Variants in MROH1 observed in about 807,000 individuals in gnomAD.
MROH1 encodes maestro heat-like repeat-containing protein family member 1.
Under a neutral mutation model 116.5 loss-of-function variants are expected in MROH1, and 117 were observed. The ratio of observed to expected loss-of-function variants is 1.00; its 90% CI spans 0.86 to 1.17. MROH1 has a LOEUF of 1.17. Among genes scored for constraint, MROH1 ranks in the 50% most tolerant of loss-of-function variants. The pLI is 0.00. For synonymous variants in MROH1, 921 were observed against 583.9 expected (o/e 1.58, Z -8.32); for missense variants, 1,873 against 1,338.5 (o/e 1.40, Z -6.23).
chr8:144,223,064 GTC>G lies in MROH1; in HGVS notation c.1216-40_1216-39del, dbSNP rs1418391858. The G allele has an allele frequency of 3.7e-6, 6 of 1,610,078 alleles. No homozygotes were observed. In the Admixed American group the frequency reaches 6.7e-5, roughly 18 times the overall value. ...CTCTGCTGGCTGGACTGGCATGGCA[GTC>G]TCTGCGTCCCCTTCCTGATCTCCCA... is the stretch of plus-strand genomic sequence containing the variant. On this transcript the variant is annotated intron_variant, in intron 13 of 43. Coordinates refer to ENST00000326134, the MANE Select transcript of MROH1 (RefSeq NM_032450.3).
Position 144,230,262 on chromosome 8 carries a change from C to T in MROH1, c.1338+7032C>T, listed in dbSNP as rs372492363. Among the ~76,000 whole-genome samples, 5 of 152,278 alleles carry T rather than the reference C, an allele frequency of 3.3e-5. No homozygotes were observed. The East Asian group carries it at 7.7e-4, about 23-fold the overall frequency. On this transcript the variant is annotated intron_variant, in intron 14 of 43. Coordinates refer to ENST00000326134, the MANE Select transcript of MROH1 (RefSeq NM_032450.3). ...AAAAGAGTTGCTCTGGATTAGGCTT[C>T]GGCTTAAGGGAATGTTTGGCCGGTC...
intron 12 of MROH1, among the ~76,000 whole-genome samples, chr8:144,210,411 G>A (rs984155731): frequency 1.2e-4 from 18 of 152,088 alleles, no homozygotes; most frequent in South Asian, 6.2e-4. Flanking sequence ...GCATAAACAG[G>A]CCCTGTGCGG....
intron 14 of MROH1, among the ~76,000 whole-genome samples, chr8:144,232,046 T>A (rs1345467349): frequency 6.6e-6 from 1 of 152,216 alleles, no homozygotes; most frequent in Non-Finnish European, 1.5e-5. Context: ...TTCTAATTAT[T>A]CCTTTCTAGC....
chr8:144,237,205 A>G (rs1459286906), intron 14 of MROH1, among the ~76,000 whole-genome samples: 6 of 152,198 alleles, frequency 3.9e-5, no homozygotes, highest in African/African-American at 1.4e-4. Context: ...ACGCCTGGCC[A>G]GAGCCTCTCC....
intron 4 of MROH1, among the ~76,000 whole-genome samples, chr8:144,177,411 CTT>C (rs1352249864): frequency 1.3e-5 from 2 of 152,250 alleles, no homozygotes; most frequent in African/African-American, 4.8e-5. Context: ...AAAACCAAGA[CTT>C]TCACGAAGCT....
intron 1 of MROH1, among the ~76,000 whole-genome samples, chr8:144,150,912 G>C (rs1816573031): frequency 6.6e-6 from 1 of 152,096 alleles, no homozygotes. Flanking sequence ...CATTTCCCAA[G>C]ACCACCCTGG....
intron 14 of MROH1, among the ~76,000 whole-genome samples, chr8:144,226,346 G>A (rs1008102293): frequency 1.3e-5 from 2 of 152,158 alleles, no homozygotes; most frequent in African/African-American, 2.4e-5. Flanking sequence ...TTGCATCTTC[G>A]TCGAAAATCA....
At chr8:144,152,277 C>A (rs1443039939) in intron 1 of MROH1, among the ~76,000 whole-genome samples, 1 of 152,016 alleles carries the variant, frequency 6.6e-6, no homozygotes, top group East Asian at 1.9e-4. Context: ...GTAACTGAAA[C>A]CAAGGAAAGT....
In MROH1 at chr8:144,206,771, G is replaced by A. The variant is rs558103248; in HGVS notation, c.1141+6230G>A. On this transcript the variant is annotated intron_variant, in intron 12 of 43. Transcript: ENST00000326134. The stretch of plus-strand genomic sequence containing the variant: ...CTCTTTGCCAGACACGGTGGCTCAC[G>A]CCTGTAATCCCAGAACTTTGCGAGG... Among the ~76,000 whole-genome samples the A allele has an allele frequency of 4.6e-5, 7 of 150,788 alleles. No individual in the cohort carries two copies. In the East Asian group the frequency reaches 1.2e-3, roughly 26 times the overall value.
At chr8:144,198,306 G>A (rs1013712327) in intron 10 of MROH1, among the ~76,000 whole-genome samples, 1 of 152,186 alleles carries the variant, frequency 6.6e-6, no homozygotes, top group Non-Finnish European at 1.5e-5. Flanking sequence ...TGACACCTGC[G>A]AGTGGGGACC....
chr8:144,258,903 C>T lies in MROH1; in HGVS notation c.3918C>T (p.Thr1306=). The T allele has an allele frequency of 2.7e-6, 2 of 752,214 alleles. No individual in the cohort carries two copies. The highest frequency in any genetic ancestry group is 1.8e-5 in the Admixed American group (1 of 55,672). 46.6% of individuals were successfully genotyped at this position (752,214 alleles called of 1,614,324 possible). ...CGGCGGGGCATGAGGAGGGGGCCAC[C>T]AGGTTGGCCAGGTGAGCGGGCCCAG... The part of the protein sequence containing the change: ...RTSAGHEEGA[T]RLARAMAEHA... Residue 1306 remains threonine (T), a synonymous_variant, in exon 36 of 44, where the codon ACC becomes ACT. Coordinates refer to ENST00000326134, the MANE Select transcript of MROH1 (RefSeq NM_032450.3).
chr8:144,203,935 A>C (rs1832262631), intron 12 of MROH1, among the ~76,000 whole-genome samples: 3 of 152,082 alleles, frequency 2.0e-5, no homozygotes, highest in African/African-American at 7.2e-5. Flanking sequence ...TTCAGCGTTC[A>C]CTTTGTTTTC....
chr8:144,151,602 A>T (rs1158837406), intron 1 of MROH1, among the ~76,000 whole-genome samples: 1 of 152,234 alleles, frequency 6.6e-6, no homozygotes, highest in Non-Finnish European at 1.5e-5. Context: ...CTCTGCCGGT[A>T]CACCAAAGGG....
chr8:144,168,548 GCAGGGGTGGC>G, intron 4 of MROH1, 108 bp downstream of exon 4: 1 of 1,345,684 alleles, frequency 7.4e-7, no homozygotes, highest in Admixed American at 2.3e-5. Context: ...CGGGTGTTAC[GCAGGGGTGGC>G]CACATGTCTA....
intron 12 of MROH1, among the ~76,000 whole-genome samples, chr8:144,207,519 T>TA (rs1833102773): frequency 6.6e-6 from 1 of 152,216 alleles, no homozygotes; most frequent in South Asian, 2.1e-4. Flanking sequence ...TTTGATTGAT[T>TA]TATAGAGAGA....
intron 1 of MROH1, among the ~76,000 whole-genome samples, chr8:144,150,640 A>G (rs1298284349): frequency 6.6e-6 from 1 of 152,144 alleles, no homozygotes; most frequent in East Asian, 1.9e-4. Context: ...CAAATAGAGG[A>G]GCTAGTCATC....
At chr8:144,219,920 C>T (rs566354489) in intron 12 of MROH1, among the ~76,000 whole-genome samples, 69 of 152,140 alleles carry the variant, frequency 4.5e-4, no homozygotes, top group Non-Finnish European at 9.4e-4. Flanking sequence ...CTCCGCAGTC[C>T]CTGGGGCCTC....
chr8:144,250,913 C>A lies in MROH1; in HGVS notation c.3428+547C>A, dbSNP rs1269103750. 58 of 207,834 alleles carry A rather than the reference C, an allele frequency of 2.8e-4. 1 individual carries two copies. In the Admixed American group the frequency reaches 2.8e-3, roughly 10 times the overall value. 12.9% of individuals were successfully genotyped at this position (207,834 alleles called of 1,614,324 possible). ...AGGGCAGGGCGTGTCTACCACCCACCAGCCCACTGGGGTCCCCCTTCCTCG... is the reference window on the plus strand; with the variant it reads ...AGGGCAGGGCGTGTCTACCACCCACAAGCCCACTGGGGTCCCCCTTCCTCG... On this transcript the variant is annotated intron_variant, in intron 33 of 43. Transcript: ENST00000326134.
Position 144,163,385 on chromosome 8 carries a change from G to GC in MROH1, c.-56-385dup, listed in dbSNP as rs1820028727. The stretch of plus-strand genomic sequence containing the variant: ...AGGGACCATTGTTGCATGCAGTGGC[G>GC]CATGGCATGTGATGTGTGAAAGCTG... On this transcript the variant is annotated intron_variant, in intron 2 of 43. Transcript: ENST00000326134. The surrounding 1 kb of genome is among the most constrained non-coding windows in gnomAD (Gnocchi z 4.4). Among the ~76,000 whole-genome samples, 1 of 152,218 alleles carries GC rather than the reference G, an allele frequency of 6.6e-6. No individual in the cohort carries two copies. The highest frequency in any genetic ancestry group is 1.5e-5 in the Non-Finnish European group (1 of 68,046).
Sources: gnomAD v4.1 joint callset for allele counts (sites outside exome capture counted in the v4.1 genomes callset) on GRCh38, gnomAD v4.1.1 for gene constraint, Gnocchi (gnomAD v3.1) non-coding constraint, MANE v1.5 for transcripts, NCBI Gene and HGNC (gene_info 2026-07-23, HGNC 2026-07-21) for gene names.